The following CSMD1 variants were observed in gnomAD, a reference collection of about 807,000 sequenced individuals.
The protein encoded by CSMD1 is CUB and sushi domain-containing protein 1.
A neutral mutation model predicts 417.5 loss-of-function variants in CSMD1; 213 were observed. The observed-to-expected ratio is 0.51, with a 90% CI of 0.46 to 0.57. CSMD1 has a LOEUF of 0.57. CSMD1 is among the 20% of genes least tolerant of loss of function. CSMD1 has a pLI of 0.00. For synonymous variants in CSMD1, 2,862 were observed against 1,736.8 expected (o/e 1.65, Z -16.11); for missense variants, 6,923 against 4,529.7 (o/e 1.53, Z -15.17).
intron 4 of CSMD1, among the ~76,000 whole-genome samples, chr8:4,030,502 G>A (rs1484899010): frequency 2.6e-5 from 4 of 152,132 alleles, no homozygotes; most frequent in East Asian, 1.9e-4. Context: ...GAGCAGCTGG[G>A]ATGCAGGGCA....
chr8:3,771,410 A>C (rs1798566844), intron 5 of CSMD1, among the ~76,000 whole-genome samples: 1 of 152,166 alleles, frequency 6.6e-6, no homozygotes, highest in Admixed American at 6.5e-5. Context: ...GATTTCATTC[A>C]AAATGCTTTT....
At chr8:2,982,715 T>C (rs1563204482) in intron 54 of CSMD1, among the ~76,000 whole-genome samples, 1 of 152,194 alleles carries the variant, frequency 6.6e-6, no homozygotes, top group Non-Finnish European at 1.5e-5. Context: ...TTAATTCCCT[T>C]CTTGGGGACA....
At chr8:4,300,877 T>G (rs1476631907) in intron 3 of CSMD1, among the ~76,000 whole-genome samples, 1 of 152,360 alleles carries the variant, frequency 6.6e-6, no homozygotes, top group Non-Finnish European at 1.5e-5. Context: ...TCATTTTTTA[T>G]GGCTACATAG....
chr8:3,267,440 G>T (rs1323930926), intron 26 of CSMD1, among the ~76,000 whole-genome samples: 1 of 152,206 alleles, frequency 6.6e-6, no homozygotes, highest in African/African-American at 2.4e-5. Context: ...GAGCAGTTGC[G>T]TGGTTGGTGG....
At chr8:4,100,111 C>T (rs1801229432) in intron 3 of CSMD1, among the ~76,000 whole-genome samples, 1 of 152,106 alleles carries the variant, frequency 6.6e-6, no homozygotes, top group South Asian at 2.1e-4. Flanking sequence ...GGCTTTCTGA[C>T]TCCGGGGAAA....
intron 46 of CSMD1, among the ~76,000 whole-genome samples, chr8:3,101,403 C>T (rs1815729809): frequency 6.6e-6 from 1 of 152,206 alleles, no homozygotes. Context: ...GTGTCTAGCA[C>T]AGTAATATCT....
intron 3 of CSMD1, among the ~76,000 whole-genome samples, chr8:4,297,338 AAAAAC>A (rs895249511): frequency 5.3e-5 from 8 of 152,136 alleles, no homozygotes; most frequent in Non-Finnish European, 8.8e-5. Context: ...CCAAATCTAA[AAAAAC>A]AAAACAAAAC....
At chr8:3,515,995 A>G (rs7820873) in intron 10 of CSMD1, among the ~76,000 whole-genome samples, 23,612 of 152,202 alleles carry the variant, frequency 0.16, 1,981 homozygotes, top group Admixed American at 0.23. Context: ...AAGGTTTAAA[A>G]TTAGTAAGTC....
intron 9 of CSMD1, among the ~76,000 whole-genome samples, 159 bp from the exon 10 acceptor site, chr8:3,575,225 A>G (rs1563167151): frequency 1.3e-5 from 2 of 150,900 alleles, no homozygotes; most frequent in African/African-American, 4.9e-5. Flanking sequence ...GACTCCAGTC[A>G]GCAAGTGGAT....
chr8:4,326,506 C>G (rs1043312072), intron 3 of CSMD1, among the ~76,000 whole-genome samples: 3 of 152,064 alleles, frequency 2.0e-5, no homozygotes, highest in African/African-American at 7.2e-5. Flanking sequence ...AAAAAAGGTC[C>G]ATAAACGAGA....
intron 3 of CSMD1, among the ~76,000 whole-genome samples, chr8:4,377,050 TCTC>T (rs1221860000): frequency 6.6e-6 from 1 of 152,184 alleles, no homozygotes; most frequent in East Asian, 1.9e-4. Flanking sequence ...TTCAGATTGT[TCTC>T]CTGGATCATT....
intron 46 of CSMD1, among the ~76,000 whole-genome samples, chr8:3,106,080 G>A (rs1466220297): frequency 1.3e-5 from 2 of 152,108 alleles, no homozygotes; most frequent in African/African-American, 4.8e-5. Context: ...CATTGCAATG[G>A]GATCAGAGCA....
chr8:3,602,296 T>C (rs1801401442), intron 8 of CSMD1, among the ~76,000 whole-genome samples: 1 of 152,006 alleles, frequency 6.6e-6, no homozygotes, highest in African/African-American at 2.4e-5. Context: ...CCAGATCACT[T>C]TCTCTCTAGG....
chr8:3,377,841 G>C (rs1161911451), intron 18 of CSMD1, among the ~76,000 whole-genome samples: 3 of 152,156 alleles, frequency 2.0e-5, no homozygotes, highest in African/African-American at 4.8e-5. Context: ...ACTGTATTGA[G>C]TATGTAAAAT....
chr8:4,013,351 G>A (rs1295274744), intron 4 of CSMD1, among the ~76,000 whole-genome samples: 2 of 152,108 alleles, frequency 1.3e-5, no homozygotes, highest in African/African-American at 4.8e-5. Flanking sequence ...CCAAACACCT[G>A]GTTGATCCCT....
intron 1 of CSMD1, among the ~76,000 whole-genome samples, chr8:4,954,340 T>C (rs1173959384): frequency 6.6e-6 from 1 of 152,282 alleles, no homozygotes; most frequent in South Asian, 2.1e-4. Context: ...AAAAAGGTGA[T>C]ATTTCCATTT....
chr8:4,076,229 C>A (rs556778892), intron 3 of CSMD1, among the ~76,000 whole-genome samples: 1 of 152,232 alleles, frequency 6.6e-6, no homozygotes, highest in Admixed American at 6.5e-5. Flanking sequence ...GCTTTTCCCC[C>A]GTTTCTTGGC....
intron 3 of CSMD1, among the ~76,000 whole-genome samples, chr8:4,333,439 T>A (rs1799988069): frequency 6.6e-6 from 1 of 152,130 alleles, no homozygotes; most frequent in Non-Finnish European, 1.5e-5. Context: ...CTTGAAAAAG[T>A]TGTCTTCTCT....
intron 7 of CSMD1, among the ~76,000 whole-genome samples, chr8:3,633,704 C>A (rs1447829692): frequency 6.6e-6 from 1 of 152,030 alleles, no homozygotes; most frequent in African/African-American, 2.4e-5. Flanking sequence ...ATTCAATGAT[C>A]CTTCAATTAA....
Sources: allele counts gnomAD v4.1 joint callset (sites outside exome capture counted in the v4.1 genomes callset), GRCh38; gene constraint gnomAD v4.1.1; transcripts MANE v1.5; gene names NCBI Gene and HGNC (gene_info 2026-07-23, HGNC 2026-07-21).